The following RBFOX1 variants were observed in gnomAD, a reference collection of about 807,000 sequenced individuals.
The protein encoded by RBFOX1 is RNA binding protein fox-1 homolog 1.
Under a neutral mutation model 57.7 loss-of-function variants are expected in RBFOX1, and 8 were observed. The observed-to-expected ratio is 0.14, with a 90% CI of 0.08 to 0.25. The LOEUF (loss-of-function observed/expected upper bound fraction) is 0.25. RBFOX1 is among the 10% of genes least tolerant of loss of function. RBFOX1 has a pLI of 1.00. For missense variants in RBFOX1, 611 were observed against 548.5 expected, an observed-to-expected ratio of 1.11 and a Z score of -1.14; for synonymous variants, 326 against 222.4, an observed-to-expected ratio of 1.47 and a Z score of -4.15.
chr16:5,431,211 C>A (rs1415413430), intron 1 of RBFOX1, among the ~76,000 whole-genome samples: 3 of 152,164 alleles, frequency 2.0e-5, no homozygotes, highest in Non-Finnish European at 2.9e-5. Flanking sequence ...ACTCGATTCT[C>A]CAAAAATGCT....
At chr16:5,827,937 C>A (rs1183471306) in intron 3 of RBFOX1, among the ~76,000 whole-genome samples, 1 of 129,118 alleles carries the variant, frequency 7.7e-6, no homozygotes, top group East Asian at 2.8e-4. Flanking sequence ...ACCCACCCAT[C>A]CACCCACCCA....
chr16:5,925,184 G>T (rs1376739992), intron 4 of RBFOX1, among the ~76,000 whole-genome samples: 1 of 152,118 alleles, frequency 6.6e-6, no homozygotes, highest in Non-Finnish European at 1.5e-5. Context: ...CTGCACCTGA[G>T]CCCAGTCCCT....
chr16:7,317,414 G>C (rs1183185223), intron 4 of RBFOX1, among the ~76,000 whole-genome samples: 1 of 152,052 alleles, frequency 6.6e-6, no homozygotes, highest in Admixed American at 6.6e-5. Context: ...TTTTTCATCT[G>C]AACTCTACCA....
intron 3 of RBFOX1, 43 bp from the exon 4 acceptor site, chr16:7,052,014 C>A: frequency 6.3e-7 from 1 of 1,588,816 alleles, no homozygotes; most frequent in Non-Finnish European, 8.6e-7. Context: ...TTTTCTGATC[C>A]GGAGCCTTCT....
At chr16:5,585,978 A>G (rs2046816371) in intron 2 of RBFOX1, among the ~76,000 whole-genome samples, 1 of 152,152 alleles carries the variant, frequency 6.6e-6, no homozygotes, top group Non-Finnish European at 1.5e-5. Context: ...GAATAAATTC[A>G]GGGATGTCAT....
At chr16:6,645,468 G>T (rs1409553172) in intron 2 of RBFOX1, among the ~76,000 whole-genome samples, 1 of 152,134 alleles carries the variant, frequency 6.6e-6, no homozygotes, top group South Asian at 2.1e-4. Context: ...GCTGGTAAGG[G>T]ATCCGGGATG....
At chr16:5,889,984 C>A (rs561050801) in intron 4 of RBFOX1, among the ~76,000 whole-genome samples, 1 of 152,224 alleles carries the variant, frequency 6.6e-6, no homozygotes, top group African/African-American at 2.4e-5. Flanking sequence ...GTAGCTCCAG[C>A]TTCTCCTCTT....
At chr16:6,914,525 T>C (rs2072596986) in intron 3 of RBFOX1, among the ~76,000 whole-genome samples, 2 of 151,642 alleles carry the variant, frequency 1.3e-5, no homozygotes, top group African/African-American at 2.4e-5. Context: ...TGAGAATCTC[T>C]CTGGACATCA....
chr16:6,903,957 A>T lies in RBFOX1; in HGVS notation c.-15-148100A>T, dbSNP rs12929361. 6.6e-5 allele frequency among the ~76,000 whole-genome samples: 10 copies of T among 152,020 alleles called. No homozygotes were observed. The East Asian group carries it at 1.8e-3, about 27-fold the overall frequency. ...GAGGCTGGCACCATTTGGAGGTACAAATCTGCAAATCCAAGGTTCACATCC... is the reference window on the plus strand; with the variant it reads ...GAGGCTGGCACCATTTGGAGGTACATATCTGCAAATCCAAGGTTCACATCC... On this transcript the variant is annotated intron_variant, in intron 3 of 15. Coordinates refer to ENST00000550418, the MANE Select transcript of RBFOX1 (RefSeq NM_018723.4).
intron 4 of RBFOX1, among the ~76,000 whole-genome samples, chr16:7,280,009 C>T (rs1000904792): frequency 2.0e-5 from 3 of 152,166 alleles, no homozygotes; most frequent in East Asian, 1.9e-4. Flanking sequence ...CCATGGCCAG[C>T]GCCACATCAC....
chr16:6,880,385 AACCC>A (rs1445427251), intron 3 of RBFOX1, among the ~76,000 whole-genome samples: 1 of 152,120 alleles, frequency 6.6e-6, no homozygotes, highest in East Asian at 1.9e-4. Context: ...CAGTCACTGC[AACCC>A]ACCGCCCTGT....
intron 2 of RBFOX1, among the ~76,000 whole-genome samples, chr16:6,482,686 A>T (rs2095390648): frequency 6.6e-6 from 1 of 152,318 alleles, no homozygotes; most frequent in Non-Finnish European, 1.5e-5. Flanking sequence ...TCGCTCCTAA[A>T]TAAAGTGCAG....
At chr16:7,674,278 A>G (rs927826692) in intron 13 of RBFOX1, among the ~76,000 whole-genome samples, 4 of 152,212 alleles carry the variant, frequency 2.6e-5, no homozygotes, top group African/African-American at 4.8e-5. Context: ...GTATTGTCCA[A>G]TCCTTTGGCC....
chr16:7,144,804 A>G (rs1238469780), intron 4 of RBFOX1, among the ~76,000 whole-genome samples: 4 of 152,190 alleles, frequency 2.6e-5, no homozygotes, highest in African/African-American at 9.7e-5. Context: ...AAATCAAGCT[A>G]TGGAATAAAA....
chr16:7,081,495 G>T (rs1325521644), intron 4 of RBFOX1, among the ~76,000 whole-genome samples: 1 of 152,176 alleles, frequency 6.6e-6, no homozygotes, highest in East Asian at 1.9e-4. Flanking sequence ...CACCTCCCAA[G>T]GCTAGAAAAA....
At chr16:6,381,298 A>T (rs2091790067) in intron 2 of RBFOX1, among the ~76,000 whole-genome samples, 2 of 152,176 alleles carry the variant, frequency 1.3e-5, no homozygotes, top group Admixed American at 6.5e-5. Context: ...CATTGTACCC[A>T]AAAGGTAATT....
chr16:7,086,432 A>G (rs73540717), intron 4 of RBFOX1, among the ~76,000 whole-genome samples: 8,196 of 152,226 alleles, frequency 0.054, 723 homozygotes, highest in African/African-American at 0.18. Context: ...TGAACACTGC[A>G]TCAATTAATA....
At chr16:6,743,878 T>C (rs954153879) in intron 3 of RBFOX1, among the ~76,000 whole-genome samples, 24 of 138,688 alleles carry the variant, frequency 1.7e-4, no homozygotes, top group Non-Finnish European at 3.3e-4. Context: ...CATTTTCCTA[T>C]ACATTAATTA....
intron 2 of RBFOX1, among the ~76,000 whole-genome samples, chr16:5,537,221 T>G (rs2044736512): frequency 6.6e-6 from 1 of 152,200 alleles, no homozygotes; most frequent in Non-Finnish European, 1.5e-5. Flanking sequence ...AACAATCTGT[T>G]CAAGGCGATC....
Sources: gnomAD v4.1 joint callset for allele counts (sites outside exome capture counted in the v4.1 genomes callset) on GRCh38, gnomAD v4.1.1 for gene constraint, MANE v1.5 for transcripts, NCBI Gene and HGNC (gene_info 2026-07-23, HGNC 2026-07-21) for gene names.